XKR4: variants seen among roughly 807,000 people sequenced by gnomAD.
XKR4 encodes XK related 4.
In XKR4, 12 loss-of-function variants were observed where a neutral mutation model predicts 53.9. The observed-to-expected ratio is 0.22, with a 90% confidence interval of 0.14 to 0.36. The LOEUF is 0.36. Among genes scored for constraint, XKR4 ranks in the 10% least tolerant of loss-of-function variants. The probability of loss-of-function intolerance (pLI) is 1.00; values close to 1 mark genes in which losing one functional copy is unlikely to be tolerated. For synonymous variants in XKR4, 354 were observed against 362.4 expected (o/e 0.98, Z 0.26); for missense variants, 799 against 859.5 (o/e 0.93, Z 0.88).
chr8:55,529,144 T>C lies in XKR4; in HGVS notation c.*4917T>C, dbSNP rs1282242447. On this transcript the variant is annotated 3_prime_UTR_variant, in exon 3 of 3. Coordinates refer to ENST00000327381, the MANE Select transcript of XKR4 (RefSeq NM_052898.2). ...TTGTATAAAAACATAATGAGCCATT[T>C]AATTTTGCTAATTGAAGCAATTAGT... is the stretch of plus-strand genomic sequence containing the variant. 6.6e-6 allele frequency: 1 copy of C among 151,742 alleles called. No homozygotes were observed. Among genetic ancestry groups the C allele is most frequent in the Admixed American group, 6.6e-5 (1 of 15,198 alleles). 9.4% of individuals were successfully genotyped at this position (151,742 alleles called of 1,614,324 possible).
chr8:55,219,970 GTAAGAATAAGATTTCGTGATC>G (rs1352456569), intron 1 of XKR4, among the ~76,000 whole-genome samples: 2 of 152,060 alleles, frequency 1.3e-5, no homozygotes, highest in Non-Finnish European at 2.9e-5. Flanking sequence ...CTGGAATTTT[GTAAGAATAAGATTTCGTGATC>G]TATTGCACTG....
intron 2 of XKR4, among the ~76,000 whole-genome samples, chr8:55,425,894 T>C (rs1805005292): frequency 6.6e-6 from 1 of 152,178 alleles, no homozygotes; most frequent in Non-Finnish European, 1.5e-5. Flanking sequence ...TGTAATTGAG[T>C]GACCCAGCTA....
intron 1 of XKR4, among the ~76,000 whole-genome samples, chr8:55,224,648 C>T: frequency 6.6e-6 from 1 of 152,086 alleles, no homozygotes; most frequent in East Asian, 1.9e-4. Flanking sequence ...TAATGAAGTA[C>T]TGGGTTAAAC....
intron 2 of XKR4, among the ~76,000 whole-genome samples, chr8:55,377,177 C>CA (rs1804164083): frequency 6.6e-6 from 1 of 152,112 alleles, no homozygotes; most frequent in African/African-American, 2.4e-5. Context: ...AAACTTGAGT[C>CA]AAAAAACCCT....
At chr8:55,285,958 T>C (rs1192758295) in intron 1 of XKR4, among the ~76,000 whole-genome samples, 2 of 152,224 alleles carry the variant, frequency 1.3e-5, no homozygotes, top group African/African-American at 4.8e-5. Flanking sequence ...TGAGTTTATT[T>C]TCTAATGCAG....
intron 1 of XKR4, among the ~76,000 whole-genome samples, chr8:55,243,443 A>C (rs931659764): frequency 2.0e-5 from 3 of 152,132 alleles, no homozygotes; most frequent in Non-Finnish European, 2.9e-5. Context: ...GCTTTCTTTA[A>C]CTATTAATAT....
chr8:55,464,835 A>C (rs1320334859), intron 2 of XKR4, among the ~76,000 whole-genome samples: 1 of 152,188 alleles, frequency 6.6e-6, no homozygotes, highest in Non-Finnish European at 1.5e-5. Context: ...ATTCTTATAC[A>C]CCAAAAACAG....
chr8:55,522,290 T>C (rs1335560117), intron 2 of XKR4, among the ~76,000 whole-genome samples: 4 of 152,216 alleles, frequency 2.6e-5, no homozygotes, highest in Non-Finnish European at 5.9e-5. Context: ...GAGGAGTGAT[T>C]GAAAAATAAT....
chr8:55,157,638 C>T (rs1409860364), intron 1 of XKR4, among the ~76,000 whole-genome samples: 4 of 152,000 alleles, frequency 2.6e-5, no homozygotes, highest in Non-Finnish European at 5.9e-5. Context: ...AAGCATAGTA[C>T]CTGATGGGTA....
chr8:55,224,783 C>G (rs888580211), intron 1 of XKR4, among the ~76,000 whole-genome samples: 2 of 152,086 alleles, frequency 1.3e-5, no homozygotes, highest in African/African-American at 4.8e-5. Flanking sequence ...TGTTTATTAT[C>G]CCATGGTAAA....
intron 2 of XKR4, among the ~76,000 whole-genome samples, chr8:55,461,218 A>AC (rs1350945660): frequency 1.3e-5 from 2 of 152,078 alleles, no homozygotes; most frequent in African/African-American, 4.8e-5. Context: ...ACTGGAAGGC[A>AC]CCCCCCAGTA....
chr8:55,437,191 C>A (rs571544955), intron 2 of XKR4, among the ~76,000 whole-genome samples: 2 of 152,176 alleles, frequency 1.3e-5, no homozygotes, highest in South Asian at 4.1e-4. Flanking sequence ...TCTTTTATAT[C>A]TTTTTTATTT....
intron 1 of XKR4, among the ~76,000 whole-genome samples, chr8:55,190,001 C>T (rs1341891914): frequency 6.6e-6 from 1 of 152,224 alleles, no homozygotes; most frequent in Non-Finnish European, 1.5e-5. Flanking sequence ...AATTCTGAAT[C>T]ACCAACTCAC....
chr8:55,443,530 T>TAAAAAAAAAAAAAAAAAAAAA (rs751152509), intron 2 of XKR4, among the ~76,000 whole-genome samples: 1 of 74,008 alleles, frequency 1.4e-5, no homozygotes, highest in Non-Finnish European at 2.3e-5. Flanking sequence ...TCAGTTACAT[T>TAAAAAAAAAAAAAAAAAAAAA]AAAAAAAAAA....
intron 2 of XKR4, among the ~76,000 whole-genome samples, chr8:55,401,821 G>A (rs1161496212): frequency 6.6e-6 from 1 of 152,136 alleles, no homozygotes; most frequent in Non-Finnish European, 1.5e-5. Flanking sequence ...TTATCATTAC[G>A]ATGTGGTGAT....
At chr8:55,461,390 G>T (rs2135538) in intron 2 of XKR4, among the ~76,000 whole-genome samples, 3 of 151,978 alleles carry the variant, frequency 2.0e-5, no homozygotes, top group Admixed American at 2.0e-4. Context: ...CCAGTAAACT[G>T]CAACAGACCT....
intron 1 of XKR4, among the ~76,000 whole-genome samples, chr8:55,297,455 C>T (rs1443231522): frequency 1.3e-5 from 2 of 152,112 alleles, no homozygotes; most frequent in African/African-American, 4.8e-5. Context: ...AGGCAAGATT[C>T]CTGCCTTTGA....
chr8:55,171,428 A>G (rs1246150912), intron 1 of XKR4, among the ~76,000 whole-genome samples: 2 of 152,134 alleles, frequency 1.3e-5, no homozygotes, highest in Non-Finnish European at 2.9e-5. Context: ...TCACCAGCTC[A>G]GGGCCTCTGT....
At chr8:55,511,924 G>A (rs556799950) in intron 2 of XKR4, among the ~76,000 whole-genome samples, 159 of 152,028 alleles carry the variant, frequency 1.0e-3, no homozygotes, top group Non-Finnish European at 5.7e-4. Flanking sequence ...CTTCAATCCC[G>A]GGGCATTGAA....
Sources: allele counts gnomAD v4.1 joint callset (sites outside exome capture counted in the v4.1 genomes callset), GRCh38; gene constraint gnomAD v4.1.1; transcripts MANE v1.5; gene names NCBI Gene and HGNC (gene_info 2026-07-23, HGNC 2026-07-21).